AUTS2: variants seen among roughly 807,000 people sequenced by gnomAD.
AUTS2 encodes the protein activator of transcription and developmental regulator AUTS2.
A neutral mutation model predicts 112.4 loss-of-function variants in AUTS2; 17 were observed. The observed-to-expected ratio is 0.15, with a 90% confidence interval of 0.10 to 0.23. The LOEUF is 0.23. Among genes scored for constraint, AUTS2 ranks in the 10% least tolerant of loss-of-function variants. The pLI, the probability that AUTS2 is intolerant of heterozygous loss-of-function variation, is 1.00. For synonymous variants in AUTS2, 751 were observed against 702.7 expected (o/e 1.07, Z -1.09); for missense variants, 1,510 against 1,701.6 (o/e 0.89, Z 1.98).
chr7:70,189,539 T>C (rs1210922307), intron 4 of AUTS2, among the ~76,000 whole-genome samples: 1 of 152,218 alleles, frequency 6.6e-6, no homozygotes, highest in Non-Finnish European at 1.5e-5. Context: ...GGTGCTAGAT[T>C]AATGCCCAGG....
chr7:69,774,595 A>G (rs1788814619), intron 1 of AUTS2, among the ~76,000 whole-genome samples: 1 of 152,236 alleles, frequency 6.6e-6, no homozygotes, highest in South Asian at 2.1e-4. Flanking sequence ...TTTATTTTAA[A>G]CAACAAAAAT....
intron 1 of AUTS2, among the ~76,000 whole-genome samples, chr7:69,829,995 A>T (rs1791429003): frequency 6.6e-6 from 1 of 152,226 alleles, no homozygotes; most frequent in Non-Finnish European, 1.5e-5. Context: ...CCAGATGCCC[A>T]TCAGTGATAG....
At chr7:70,719,269 A>G (rs536572359) in intron 6 of AUTS2, among the ~76,000 whole-genome samples, 2 of 152,270 alleles carry the variant, frequency 1.3e-5, no homozygotes, top group South Asian at 4.1e-4. Context: ...AGAGATTTCT[A>G]AATGTCTGCT....
rs146820704 is a variant in AUTS2 at position 70,666,054 on chromosome 7, C to T, written c.691-32515C>T. Among the ~76,000 whole-genome samples the T allele has an allele frequency of 5.3e-5, 8 of 152,178 alleles. No homozygotes were observed. In the East Asian group the frequency reaches 1.6e-3, roughly 30 times the overall value. On this transcript the variant is annotated intron_variant, in intron 5 of 18. Transcript: ENST00000342771. ...GGAAGATGCCCAGATGATAAGGTGC[C>T]GTGACAGATTGTGGTGGTAGCATTG...
At chr7:70,476,975 G>A (rs576156201) in intron 5 of AUTS2, among the ~76,000 whole-genome samples, 104 of 152,322 alleles carry the variant, frequency 6.8e-4, no homozygotes, top group African/African-American at 1.7e-3. Flanking sequence ...TCTCCCTTCT[G>A]TCAGTGAGGA....
chr7:70,016,707 T>G (rs1800045094), intron 2 of AUTS2, among the ~76,000 whole-genome samples: 1 of 151,722 alleles, frequency 6.6e-6, no homozygotes, highest in Admixed American at 6.6e-5. Context: ...TTACTCTGTT[T>G]CCTGGGCTGG....
chr7:70,688,607 C>T (rs113106713), intron 5 of AUTS2, among the ~76,000 whole-genome samples: 4,284 of 152,224 alleles, frequency 0.028, 221 homozygotes, highest in African/African-American at 0.096. Flanking sequence ...GTGGGAGGAT[C>T]GCTTGAGGCC....
intron 5 of AUTS2, among the ~76,000 whole-genome samples, chr7:70,550,352 G>A (rs577837679): frequency 3.3e-5 from 5 of 152,162 alleles, no homozygotes; most frequent in Middle Eastern, 3.4e-3. Flanking sequence ...CTAGTCCTTC[G>A]GCACCTCTTT....
At chr7:70,214,247 A>G (rs1416252136) in intron 4 of AUTS2, among the ~76,000 whole-genome samples, 1 of 152,202 alleles carries the variant, frequency 6.6e-6, no homozygotes, top group African/African-American at 2.4e-5. Flanking sequence ...GGCAAATATC[A>G]TGTGACTATA....
intron 6 of AUTS2, among the ~76,000 whole-genome samples, chr7:70,759,362 A>G (rs1789414437): frequency 6.6e-6 from 1 of 152,184 alleles, no homozygotes; most frequent in Admixed American, 6.5e-5. Flanking sequence ...TGCTACTCAA[A>G]ATGTGATCCT....
At chr7:69,642,271 T>C (rs1446854216) in intron 1 of AUTS2, among the ~76,000 whole-genome samples, 7 of 152,170 alleles carry the variant, frequency 4.6e-5, no homozygotes, top group African/African-American at 1.7e-4. Flanking sequence ...GCAGTTCTTA[T>C]CCTATTTTTT....
chr7:70,299,727 A>G (rs1789116296), intron 4 of AUTS2, among the ~76,000 whole-genome samples: 1 of 152,062 alleles, frequency 6.6e-6, no homozygotes, highest in African/African-American at 2.4e-5. Flanking sequence ...AGCTGGGGAC[A>G]TTTGGAAATA....
intron 6 of AUTS2, among the ~76,000 whole-genome samples, chr7:70,726,095 A>C (rs1431552681): frequency 6.6e-6 from 1 of 151,896 alleles, no homozygotes; most frequent in Non-Finnish European, 1.5e-5. Flanking sequence ...ATTAGGGGTC[A>C]GGATTTACTA....
At chr7:69,733,148 G>A (rs571673065) in intron 1 of AUTS2, among the ~76,000 whole-genome samples, 5 of 152,264 alleles carry the variant, frequency 3.3e-5, no homozygotes, top group African/African-American at 1.2e-4. Context: ...GTGCATAGGT[G>A]ATGTGTCATT....
At chr7:70,578,926 C>CTTT (rs71077663) in intron 5 of AUTS2, among the ~76,000 whole-genome samples, 13 of 132,344 alleles carry the variant, frequency 9.8e-5, no homozygotes, top group African/African-American at 2.3e-4. Flanking sequence ...TTTTTTCTTT[C>CTTT]TTTTTTTTTT....
intron 5 of AUTS2, among the ~76,000 whole-genome samples, chr7:70,641,338 A>G (rs1177644674): frequency 1.3e-5 from 2 of 152,146 alleles, no homozygotes; most frequent in African/African-American, 4.8e-5. Context: ...TCACAAGGTC[A>G]GGAGATCAAG....
At chr7:70,579,264 A>AAAAAAAAAAAAAAAAAAAAAAAAAAAAAT (rs1802325332) in intron 5 of AUTS2, among the ~76,000 whole-genome samples, 1 of 145,250 alleles carries the variant, frequency 6.9e-6, no homozygotes, top group Non-Finnish European at 1.5e-5. Flanking sequence ...AAAAAAAAAG[A>AAAAAAAAAAAAAAAAAAAAAAAAAAAAAT]TGAAGGGAGG....
intron 2 of AUTS2, among the ~76,000 whole-genome samples, chr7:70,099,814 A>G (rs1474002050): frequency 6.6e-6 from 1 of 152,172 alleles, no homozygotes; most frequent in Non-Finnish European, 1.5e-5. Flanking sequence ...GGTACATTTT[A>G]TTAGTTTTAA....
chr7:70,553,441 G>A (rs1006976962), intron 5 of AUTS2, among the ~76,000 whole-genome samples: 5 of 152,158 alleles, frequency 3.3e-5, no homozygotes, highest in African/African-American at 2.4e-5. Context: ...TCATGGGGTT[G>A]GATTCGAGTA....
Sources: gnomAD v4.1 joint callset for allele counts (sites outside exome capture counted in the v4.1 genomes callset) on GRCh38, gnomAD v4.1.1 for gene constraint, MANE v1.5 for transcripts, NCBI Gene and HGNC (gene_info 2026-07-23, HGNC 2026-07-21) for gene names.